FMN2: variants seen among roughly 807,000 people sequenced by gnomAD.
FMN2 encodes the protein formin-2.
A neutral mutation model predicts 142.3 loss-of-function variants in FMN2; 51 were observed. The observed-to-expected ratio is 0.36, with a 90% CI of 0.29 to 0.45. FMN2 has a LOEUF of 0.45. FMN2 is among the 20% of genes least tolerant of loss of function. FMN2 has a pLI of 1.00. For missense variants in FMN2, 1,936 were observed against 2,122.8 expected (o/e 0.91, Z 1.73); for synonymous variants, 882 against 869.8 (o/e 1.01, Z -0.25).
At chr1:240,428,966 C>T (rs1419129260) in intron 15 of FMN2, among the ~76,000 whole-genome samples, 1 of 152,166 alleles carries the variant, frequency 6.6e-6, no homozygotes, top group Non-Finnish European at 1.5e-5. Context: ...TCCATACTTA[C>T]AACTTTCTCT....
chr1:240,397,805 A>G (rs111725339), intron 15 of FMN2, among the ~76,000 whole-genome samples: 5 of 150,336 alleles, frequency 3.3e-5, no homozygotes, highest in African/African-American at 1.2e-4. Context: ...AAAAAAAAAA[A>G]AAAAAGTTAA....
chr1:240,460,293 A>C (rs1329119709), intron 16 of FMN2, among the ~76,000 whole-genome samples: 1 of 152,252 alleles, frequency 6.6e-6, no homozygotes, highest in Non-Finnish European at 1.5e-5. Flanking sequence ...TCAGTCTTTC[A>C]GAATCAAATG....
At chr1:240,103,886 A>ATT (rs201997119) in intron 1 of FMN2, among the ~76,000 whole-genome samples, 1 of 150,582 alleles carries the variant, frequency 6.6e-6, no homozygotes, top group African/African-American at 2.4e-5. Flanking sequence ...CATTATTATT[A>ATT]TTTTTTTTTG....
At chr1:240,330,578 T>C (rs371303387) in intron 10 of FMN2, 25 bp from the exon 11 acceptor site, 19 of 1,603,000 alleles carry the variant, frequency 1.2e-5, no homozygotes, top group African/African-American at 2.7e-5. Flanking sequence ...TAAAAGTTGT[T>C]TTTTGTTGTT....
At chr1:240,381,461 G>A (rs543272371) in intron 14 of FMN2, among the ~76,000 whole-genome samples, 121 of 151,870 alleles carry the variant, frequency 8.0e-4, no homozygotes, top group Admixed American at 1.8e-3. Context: ...ACAGATTCTC[G>A]CTCTGTCACC....
intron 8 of FMN2, among the ~76,000 whole-genome samples, chr1:240,297,788 C>T (rs562762526): frequency 6.6e-5 from 10 of 152,160 alleles, no homozygotes; most frequent in African/African-American, 1.9e-4. Flanking sequence ...ATACCATAGC[C>T]TAAATGGCTT....
intron 8 of FMN2, among the ~76,000 whole-genome samples, chr1:240,295,224 A>G (rs904686860): frequency 7.5e-6 from 1 of 133,294 alleles, no homozygotes. Flanking sequence ...ACACACACAC[A>G]CTCACACACA....
rs774540174 is a variant in FMN2 at position 240,093,491 on chromosome 1, C to T, written c.1382C>T (p.Ser461Phe). 4 of 1,599,354 alleles carry T rather than the reference C, an allele frequency of 2.5e-6. No homozygotes were observed. Among genetic ancestry groups the T allele is most frequent in the Non-Finnish European group, 3.4e-6 (4 of 1,174,564 alleles). Reference sequence around the variant, plus strand: ...CGAGGGTCCAGAACTGCCCTGGCCTCCGTAGCCGCCCCGGCCAAGAAGCAC... The same window carrying T: ...CGAGGGTCCAGAACTGCCCTGGCCTTCGTAGCCGCCCCGGCCAAGAAGCAC... ...LSRGSRTALA[S>F]VAAPAKKHRA... Residue 461 changes from serine to phenylalanine, a missense_variant, in exon 1 of 18, where the codon TCC becomes TTC. By Grantham distance (155) the Ser-to-Phe change is radical (BLOSUM62 -2). Transcript: ENST00000319653.
intron 13 of FMN2, among the ~76,000 whole-genome samples, chr1:240,346,243 T>C (rs957473557): frequency 1.6e-4 from 25 of 152,082 alleles, no homozygotes; most frequent in Non-Finnish European, 4.4e-5. Flanking sequence ...TGATAAAACT[T>C]AATTTATAAA....
At chr1:240,182,885 G>A (rs1190280117) in intron 3 of FMN2, among the ~76,000 whole-genome samples, 2 of 151,604 alleles carry the variant, frequency 1.3e-5, no homozygotes, top group African/African-American at 2.4e-5. Context: ...ATTCTGTGCC[G>A]TGCAATGTCA....
chr1:240,161,170 T>C (rs1664260758), intron 2 of FMN2, among the ~76,000 whole-genome samples: 1 of 152,164 alleles, frequency 6.6e-6, no homozygotes, highest in Admixed American at 6.5e-5. Flanking sequence ...TTCTAATCAA[T>C]GTCTCAAGGG....
At chr1:240,335,841 G>A (rs1192590344) in intron 13 of FMN2, among the ~76,000 whole-genome samples, 2 of 152,124 alleles carry the variant, frequency 1.3e-5, no homozygotes, top group African/African-American at 2.4e-5. Flanking sequence ...CAGATAGTGG[G>A]TTTGAAAAGG....
At chr1:240,118,011 G>A (rs1662091235) in intron 1 of FMN2, among the ~76,000 whole-genome samples, 1 of 152,218 alleles carries the variant, frequency 6.6e-6, no homozygotes, top group South Asian at 2.1e-4. Context: ...ACCTGAATGA[G>A]ATGAAGGAGT....
intron 2 of FMN2, among the ~76,000 whole-genome samples, chr1:240,130,032 A>G (rs2103231156): frequency 6.6e-6 from 1 of 152,266 alleles, no homozygotes; most frequent in East Asian, 1.9e-4. Flanking sequence ...TAATAGTTAC[A>G]CTATTAGTGT....
At chr1:240,442,990 G>T (rs12744704) in intron 16 of FMN2, among the ~76,000 whole-genome samples, 55,448 of 152,040 alleles carry the variant, frequency 0.36, 10,376 homozygotes, top group Middle Eastern at 0.42. Flanking sequence ...CGTATTTGAA[G>T]TATATAGCAC....
At chr1:240,103,576 C>T (rs1200896207) in intron 1 of FMN2, among the ~76,000 whole-genome samples, 1 of 152,186 alleles carries the variant, frequency 6.6e-6, no homozygotes, top group Admixed American at 6.5e-5. Flanking sequence ...TACTTCACAC[C>T]CAGTTAATCT....
chr1:240,462,809 G>A (rs990574176), intron 16 of FMN2, among the ~76,000 whole-genome samples: 2 of 152,130 alleles, frequency 1.3e-5, no homozygotes, highest in Non-Finnish European at 2.9e-5. Context: ...ATCTGGGGGG[G>A]AAAGAAGTAT....
At chr1:240,154,994 C>G (rs1055970006) in intron 2 of FMN2, among the ~76,000 whole-genome samples, 2 of 148,928 alleles carry the variant, frequency 1.3e-5, no homozygotes, top group African/African-American at 4.9e-5. Context: ...TTAAGCAATC[C>G]CCCCCCCGAC....
intron 16 of FMN2, among the ~76,000 whole-genome samples, chr1:240,455,993 TAA>T (rs1676231078): frequency 6.6e-6 from 1 of 151,080 alleles, no homozygotes; most frequent in Admixed American, 6.6e-5. Context: ...ATAATAATAA[TAA>T]TAATAATAAG....
Sources: gnomAD v4.1 joint callset for allele counts (sites outside exome capture counted in the v4.1 genomes callset) on GRCh38, gnomAD v4.1.1 for gene constraint, MANE v1.5 for transcripts, NCBI Gene and HGNC (gene_info 2026-07-23, HGNC 2026-07-21) for gene names.